NRG1: variants seen among roughly 807,000 people sequenced by gnomAD.
The protein encoded by NRG1 is neuregulin 1, also known as pro-neuregulin-1, membrane-bound isoform.
A neutral mutation model predicts 63.8 loss-of-function variants in NRG1; 18 were observed. The ratio of observed to expected loss-of-function variants is 0.28; its 90% CI spans 0.19 to 0.42. The LOEUF (loss-of-function observed/expected upper bound fraction) is 0.42. Among genes scored for constraint, NRG1 ranks in the 10% least tolerant of loss-of-function variants. The probability of loss-of-function intolerance (pLI) is 1.00; values close to 1 mark genes in which losing one functional copy is unlikely to be tolerated. For synonymous variants in NRG1, 302 were observed against 301.3 expected (o/e 1.00, Z -0.02); for missense variants, 762 against 814.7 (o/e 0.94, Z 0.79).
chr8:32,572,948 G>C (rs971807008), intron 1 of NRG1, among the ~76,000 whole-genome samples: 6 of 152,130 alleles, frequency 3.9e-5, no homozygotes, highest in African/African-American at 1.4e-4. Context: ...TGACTTTGAG[G>C]TTAATTTCGC....
chr8:31,982,154 A>T (rs891212921), intron 1 of NRG1, among the ~76,000 whole-genome samples: 4 of 151,966 alleles, frequency 2.6e-5, no homozygotes, highest in African/African-American at 4.8e-5. Context: ...TCTGATTAAG[A>T]TTCTTCCTAT....
In NRG1 at chr8:31,649,711, G is replaced by C. The variant is rs77711447; in HGVS notation, c.37+10280G>C. Among the ~76,000 whole-genome samples, 961 of 152,322 alleles carry C rather than the reference G, an allele frequency of 6.3e-3. 11 individuals are homozygous for C. Among genetic ancestry groups the C allele is most frequent in the African/African-American group, 0.022 (918 of 41,564 alleles). Reference sequence around the variant, plus strand: ...AAGCTTAGAAATAAAAACAATGAAAGATGTAAAGAATAAGCTTAGAGAATG... The same window carrying C: ...AAGCTTAGAAATAAAAACAATGAAACATGTAAAGAATAAGCTTAGAGAATG... On this transcript the variant is annotated intron_variant, in intron 1 of 10. Transcript: ENST00000519301.
chr8:32,581,533 A>T (rs1023946773), intron 1 of NRG1, among the ~76,000 whole-genome samples: 1 of 152,244 alleles, frequency 6.6e-6, no homozygotes, highest in Non-Finnish European at 1.5e-5. Context: ...TAAAAGATGC[A>T]TTAAAAGAAT....
chr8:31,966,613 A>G (rs373421825), intron 1 of NRG1, among the ~76,000 whole-genome samples: 1 of 152,166 alleles, frequency 6.6e-6, no homozygotes, highest in Non-Finnish European at 1.5e-5. Context: ...GTGCTTCCTT[A>G]GGGAGCTGCT....
At position 32,629,697 on chromosome 8, in the gene NRG1, T is replaced by C. The variant is rs558772664; in HGVS notation, c.502+12812T>C. Among the ~76,000 whole-genome samples, 8 of 152,306 alleles carry C rather than the reference T, an allele frequency of 5.3e-5. No individual in the cohort carries two copies. In the South Asian group the frequency reaches 1.2e-3, roughly 24 times the overall value. On this transcript the variant is annotated intron_variant, in intron 5 of 11. Coordinates refer to ENST00000356819, the Ensembl canonical transcript of NRG1. Reference sequence around the variant, plus strand: ...TAAATTTATTTCTGTTTTTTACATCTGGAAGATTTTTTTCATTTTATCATA... The same window carrying C: ...TAAATTTATTTCTGTTTTTTACATCCGGAAGATTTTTTTCATTTTATCATA...
chr8:32,547,626 C>T (rs577680710), upstream of NRG1, among the ~76,000 whole-genome samples: 187 of 147,232 alleles, frequency 1.3e-3, no homozygotes, highest in African/African-American at 4.4e-3. Flanking sequence ...CACACACACA[C>T]GCACACGGCG....
chr8:32,140,173 G>A (rs1415495724), intron 1 of NRG1, among the ~76,000 whole-genome samples: 1 of 152,098 alleles, frequency 6.6e-6, no homozygotes. Context: ...CTGAAGGTCA[G>A]GGCAGTCCTT....
intron 1 of NRG1, among the ~76,000 whole-genome samples, chr8:31,796,783 C>G (rs1586479427): frequency 1.3e-5 from 2 of 152,020 alleles, no homozygotes; most frequent in Non-Finnish European, 2.9e-5. Context: ...GTTCTTTGTT[C>G]TAAGAATTTG....
At chr8:31,653,477 G>A (rs1805109396) in intron 1 of NRG1, among the ~76,000 whole-genome samples, 1 of 152,174 alleles carries the variant, frequency 6.6e-6, no homozygotes, top group Non-Finnish European at 1.5e-5. Flanking sequence ...CTAACACCGA[G>A]GCATAGCCAA....
At chr8:32,449,300 T>A (rs1820674241) in intron 1 of NRG1, among the ~76,000 whole-genome samples, 1 of 150,846 alleles carries the variant, frequency 6.6e-6, no homozygotes, top group Admixed American at 6.6e-5. Context: ...TTGTCTCAAA[T>A]AATAATAATA....
chr8:31,697,080 A>G (rs1359603639), intron 1 of NRG1, among the ~76,000 whole-genome samples: 1 of 152,178 alleles, frequency 6.6e-6, no homozygotes, highest in Non-Finnish European at 1.5e-5. Context: ...AAATCTGTGA[A>G]GTTTTCTTTT....
At chr8:32,046,532 T>C (rs1821028568) in intron 1 of NRG1, among the ~76,000 whole-genome samples, 1 of 152,104 alleles carries the variant, frequency 6.6e-6, no homozygotes, top group African/African-American at 2.4e-5. Context: ...TTGTCAAAAA[T>C]TGACAATCAT....
At chr8:32,522,047 C>G (rs777461935) in intron 1 of NRG1, among the ~76,000 whole-genome samples, 1 of 152,100 alleles carries the variant, frequency 6.6e-6, no homozygotes, top group Non-Finnish European at 1.5e-5. Flanking sequence ...GGCTTTTCGG[C>G]GACAAATCTG....
chr8:31,912,430 T>A (rs1369940906), intron 1 of NRG1, among the ~76,000 whole-genome samples: 1 of 151,972 alleles, frequency 6.6e-6, no homozygotes, highest in Non-Finnish European at 1.5e-5. Flanking sequence ...AAGCAGCTGC[T>A]CTCAGGGTAA....
At chr8:32,653,129 T>TTTTTG (rs1554620117) in intron 5 of NRG1, among the ~76,000 whole-genome samples, 27 of 149,312 alleles carry the variant, frequency 1.8e-4, no homozygotes, top group Non-Finnish European at 2.0e-4. Flanking sequence ...TTTGGTTTTT[T>TTTTTG]TTTGTTTGTT....
chr8:32,485,448 T>A lies in NRG1; in HGVS notation c.38-110380T>A, dbSNP rs78434790. 2.7e-3 allele frequency among the ~76,000 whole-genome samples: 409 copies of A among 152,266 alleles called. 2 individuals are homozygous for A. The highest frequency in any genetic ancestry group is 9.5e-3 in the African/African-American group (397 of 41,572). ...CACTTTTCTGCTTCCTCTCTCATATTAATAATAAGCTTCTATCTTTCCTTA... is the reference window on the plus strand; with the variant it reads ...CACTTTTCTGCTTCCTCTCTCATATAAATAATAAGCTTCTATCTTTCCTTA... On this transcript the variant is annotated intron_variant, in intron 1 of 10. Coordinates refer to the NRG1 transcript ENST00000519301.
chr8:32,767,350 C>G (rs1207495955), exon 12 of NRG1: 3 of 152,118 alleles, frequency 2.0e-5, no homozygotes, highest in African/African-American at 7.2e-5. Context: ...GCATGGCTCA[C>G]ACTGGTGAAA....
intron 6 of NRG1, among the ~76,000 whole-genome samples, chr8:32,737,387 C>T (rs548307943): frequency 6.6e-6 from 1 of 152,092 alleles, no homozygotes; most frequent in Non-Finnish European, 1.5e-5. Context: ...CCCGTCTCTA[C>T]TGAAAATACA....
At chr8:32,615,474 G>GA (rs1388078372) in intron 4 of NRG1, among the ~76,000 whole-genome samples, 1 of 152,036 alleles carries the variant, frequency 6.6e-6, no homozygotes, top group Non-Finnish European at 1.5e-5. Flanking sequence ...TTACAGATGA[G>GA]AAAACTGAAG....
Sources: gnomAD v4.1 joint callset for allele counts (sites outside exome capture counted in the v4.1 genomes callset) on GRCh38, gnomAD v4.1.1 for gene constraint, MANE v1.5 for transcripts, NCBI Gene and HGNC (gene_info 2026-07-23, HGNC 2026-07-21) for gene names.